Variants in NAALADL2 observed in about 807,000 individuals in gnomAD.
NAALADL2 encodes the protein inactive N-acetylated-alpha-linked acidic dipeptidase-like protein 2.
A neutral mutation model predicts 87.2 loss-of-function variants in NAALADL2; 76 were observed. The observed-to-expected ratio is 0.87, with a 90% CI of 0.72 to 1.05. The LOEUF is 1.05. Among genes scored for constraint, NAALADL2 ranks in the 50% least tolerant of loss-of-function variants. The probability of loss-of-function intolerance (pLI) is 0.00; values close to 1 mark genes in which losing one functional copy is unlikely to be tolerated. For synonymous variants in NAALADL2, 354 were observed against 331.0 expected, an observed-to-expected ratio of 1.07 and a Z score of -0.75; for missense variants, 1,089 against 945.8, an observed-to-expected ratio of 1.15 and a Z score of -1.99.
intron 1 of NAALADL2, among the ~76,000 whole-genome samples, chr3:174,983,318 G>A (rs773896390): frequency 1.3e-5 from 2 of 152,214 alleles, no homozygotes; most frequent in East Asian, 1.9e-4. Context: ...TGGCTATAGG[G>A]GTGGTCTCTG....
intron 10 of NAALADL2, among the ~76,000 whole-genome samples, chr3:175,578,828 C>T (rs754686770): frequency 1.6e-4 from 24 of 152,176 alleles, no homozygotes; most frequent in Admixed American, 9.2e-4. Flanking sequence ...ACTTTTTCTC[C>T]ACGGAAACAA....
At chr3:175,641,494 G>A (rs961751977) in intron 11 of NAALADL2, among the ~76,000 whole-genome samples, 1 of 152,088 alleles carries the variant, frequency 6.6e-6, no homozygotes, top group Non-Finnish European at 1.5e-5. Flanking sequence ...TTGGTGCTCA[G>A]TAATTATTTG....
intron 1 of NAALADL2, among the ~76,000 whole-genome samples, chr3:174,908,785 T>C (rs79514117): frequency 6.6e-6 from 1 of 152,268 alleles, no homozygotes; most frequent in East Asian, 1.9e-4. Context: ...AATTAAAAAT[T>C]GATGTTTGTC....
intron 1 of NAALADL2, among the ~76,000 whole-genome samples, chr3:174,975,352 A>G (rs1744224900): frequency 6.6e-6 from 1 of 152,224 alleles, no homozygotes; most frequent in Non-Finnish European, 1.5e-5. Context: ...AAAGACATCC[A>G]TAATAGCTAC....
chr3:175,524,094 A>G (rs1733060996), intron 9 of NAALADL2, among the ~76,000 whole-genome samples: 1 of 152,174 alleles, frequency 6.6e-6, no homozygotes, highest in Non-Finnish European at 1.5e-5. Flanking sequence ...GGTGCATCCC[A>G]CACAGGCTTT....
intron 11 of NAALADL2, among the ~76,000 whole-genome samples, chr3:175,661,417 G>T (rs951906968): frequency 7.9e-5 from 12 of 151,854 alleles, no homozygotes; most frequent in African/African-American, 2.9e-4. Flanking sequence ...TTCCTGGAAG[G>T]ATGGATAGTT....
intron 1 of NAALADL2, among the ~76,000 whole-genome samples, chr3:174,888,647 T>C (rs897533063): frequency 2.0e-5 from 3 of 152,226 alleles, no homozygotes; most frequent in African/African-American, 7.2e-5. Flanking sequence ...TTCGGGGCAT[T>C]TATTTTATCA....
At chr3:174,650,585 C>T (rs1724255792) in intron 2 of NAALADL2, among the ~76,000 whole-genome samples, 1 of 152,010 alleles carries the variant, frequency 6.6e-6, no homozygotes, top group Admixed American at 6.6e-5. Flanking sequence ...TTTTTGTTTT[C>T]CTTTTAAGTG....
chr3:175,430,060 C>T (rs1001312646), intron 5 of NAALADL2, among the ~76,000 whole-genome samples: 1 of 151,724 alleles, frequency 6.6e-6, no homozygotes, highest in African/African-American at 2.4e-5. Context: ...ATAATAAGAA[C>T]AGCTTTATGT....
intron 1 of NAALADL2, among the ~76,000 whole-genome samples, chr3:174,974,112 A>T (rs1744052774): frequency 6.6e-6 from 1 of 152,226 alleles, no homozygotes; most frequent in Non-Finnish European, 1.5e-5. Context: ...TTGCTTTAAG[A>T]GCATAGCAAT....
chr3:175,239,045 C>G (rs988689331), intron 3 of NAALADL2, among the ~76,000 whole-genome samples: 3 of 152,102 alleles, frequency 2.0e-5, no homozygotes, highest in Non-Finnish European at 4.4e-5. Flanking sequence ...TGGTAACCGT[C>G]TAAACAGCAT....
At chr3:175,007,625 T>A (rs757359694) in intron 1 of NAALADL2, among the ~76,000 whole-genome samples, 5 of 152,182 alleles carry the variant, frequency 3.3e-5, no homozygotes, top group Non-Finnish European at 4.4e-5. Context: ...ACTTGAGAAG[T>A]AGCGTATGTC....
chr3:174,581,457 G>T (rs562100563), intron 2 of NAALADL2, among the ~76,000 whole-genome samples: 1 of 152,082 alleles, frequency 6.6e-6, no homozygotes, highest in South Asian at 2.1e-4. Flanking sequence ...ATGCGTTCAA[G>T]AGCATGCCAT....
intron 1 of NAALADL2, among the ~76,000 whole-genome samples, chr3:175,056,032 C>A (rs1470436854): frequency 6.6e-6 from 1 of 152,184 alleles, no homozygotes; most frequent in East Asian, 1.9e-4. Context: ...TCTTGTCTAG[C>A]TTGCTGAATT....
chr3:175,151,121 G>A (rs960774950), intron 2 of NAALADL2, among the ~76,000 whole-genome samples: 1 of 152,214 alleles, frequency 6.6e-6, no homozygotes, highest in Non-Finnish European at 1.5e-5. Flanking sequence ...CTCCACCCAT[G>A]AGACTGAGCT....
intron 1 of NAALADL2, among the ~76,000 whole-genome samples, chr3:174,951,435 T>TA (rs1579689113): frequency 6.6e-6 from 1 of 151,868 alleles, no homozygotes; most frequent in East Asian, 1.9e-4. Context: ...AAAGAGAAAA[T>TA]AGGCGGAGTG....
chr3:175,494,862 T>C (rs1367439882), intron 9 of NAALADL2, among the ~76,000 whole-genome samples: 10 of 152,110 alleles, frequency 6.6e-5, no homozygotes. Flanking sequence ...AGCAAGAGGC[T>C]TTTGATATGC....
chr3:175,782,918 A>C (rs566045018), intron 13 of NAALADL2, among the ~76,000 whole-genome samples: 7 of 144,316 alleles, frequency 4.9e-5, no homozygotes, highest in African/African-American at 1.6e-4. Context: ...TCAGCTTTCT[A>C]CATATGGCTA....
intron 11 of NAALADL2, chr3:175,718,196 T>C: frequency 5.9e-6 from 2 of 338,494 alleles, no homozygotes; most frequent in Non-Finnish European, 8.3e-6. Flanking sequence ...GGGCCTGTGG[T>C]TTTTTTTTTT....
Sources: gnomAD v4.1 joint callset for allele counts (sites outside exome capture counted in the v4.1 genomes callset) on GRCh38, gnomAD v4.1.1 for gene constraint, MANE v1.5 for transcripts, NCBI Gene and HGNC (gene_info 2026-07-23, HGNC 2026-07-21) for gene names.